Variants in ADAT2 observed in about 807,000 individuals in gnomAD.
The protein encoded by ADAT2 is adenosine deaminase tRNA specific 2.
In ADAT2, 26 loss-of-function variants were observed where a neutral mutation model predicts 25.9. That is an observed-to-expected ratio of 1.00 (90% CI 0.74 to 1.39). The LOEUF (loss-of-function observed/expected upper bound fraction) is 1.39, where lower values mean the gene tolerates loss of function less well. ADAT2 is among the 40% of genes most tolerant of loss of function. The pLI, the probability that ADAT2 is intolerant of heterozygous loss-of-function variation, is 0.00. For synonymous variants in ADAT2, 76 were observed against 86.8 expected, an observed-to-expected ratio of 0.88 and a Z score of 0.69; for missense variants, 220 against 244.8, an observed-to-expected ratio of 0.90 and a Z score of 0.68.
intron 4 of ADAT2, among the ~76,000 whole-genome samples, chr6:143,431,967 A>G (rs564702083): frequency 8.5e-5 from 13 of 152,236 alleles, no homozygotes; most frequent in Non-Finnish European, 1.5e-4. Context: ...GACTAAAGAC[A>G]TGGATTCTTA....
chr6:143,440,042 G>A lies in ADAT2; in HGVS notation c.97-1348C>T, dbSNP rs576742563. Among the ~76,000 whole-genome samples, 2 of 152,294 alleles carry A rather than the reference G, an allele frequency of 1.3e-5. No individual in the cohort carries two copies. The highest frequency in any genetic ancestry group is 1.9e-4 in the East Asian group (1 of 5,180). On this transcript the variant is annotated intron_variant, in intron 1 of 5. Transcript: ENST00000237283. The surrounding 1 kb of genome is among the most constrained non-coding windows in gnomAD (Gnocchi z 4.5). ...TCAGGCGGAGAGCTTAAGCAGGCAG[G>A]TTATGCCTCAGTATAACCTGATACT...
intron 1 of ADAT2, among the ~76,000 whole-genome samples, chr6:143,443,497 C>G (rs542488315): frequency 6.6e-6 from 1 of 152,110 alleles, no homozygotes; most frequent in African/African-American, 2.4e-5. Context: ...TGCCACTACA[C>G]TCCAGCCTGG....
chr6:143,428,204 A>G lies in ADAT2; in HGVS notation c.*259T>C. 1.9e-6 allele frequency: 1 copy of G among 524,446 alleles called. No individual in the cohort carries two copies. The highest frequency in any genetic ancestry group is 3.4e-6 in the Non-Finnish European group (1 of 296,248). The allele number at this position is 524,446 out of a possible 1,614,324, so 32.5% of individuals were successfully genotyped here. A position where few individuals can be genotyped will look rare whatever the true frequency, so the allele number is the denominator to read the frequency against. Reference sequence around the variant, plus strand: ...CTAGAAGGGTATGCACTACTTGCTAATTTCTAAAACCTCAAACCTTAATTT... The same window carrying G: ...CTAGAAGGGTATGCACTACTTGCTAGTTTCTAAAACCTCAAACCTTAATTT... On this transcript the variant is annotated 3_prime_UTR_variant, in exon 6 of 6. Transcript: ENST00000237283. The surrounding 1 kb of genome is among the most constrained non-coding windows in gnomAD (Gnocchi z 5.0).
intron 4 of ADAT2, among the ~76,000 whole-genome samples, chr6:143,429,625 A>C (rs1779049517): frequency 6.6e-6 from 1 of 152,168 alleles, no homozygotes; most frequent in South Asian, 2.1e-4. Context: ...AGGAAGCATA[A>C]GGAAAGAAAG....
At position 143,440,785 on chromosome 6, in the gene ADAT2, C is replaced by A. The variant is rs1258052879; in HGVS notation, c.97-2091G>T. Among the ~76,000 whole-genome samples, 3 of 152,106 alleles carry A rather than the reference C, an allele frequency of 2.0e-5. No homozygotes were observed. Among genetic ancestry groups the A allele is most frequent in the Non-Finnish European group, 2.9e-5 (2 of 68,018 alleles). ...ATGCTAACTACCAGTGTAGCTATGG[C>A]AATTATTATACTAAGAATTTTATTT... On this transcript the variant is annotated intron_variant, in intron 1 of 5. Transcript: ENST00000237283. The surrounding 1 kb of genome is among the most constrained non-coding windows in gnomAD (Gnocchi z 4.5).
rs1384957640 is a variant in ADAT2, at chr6:143,442,509, A to G, written c.97-3815T>C. ...CACACACACACACACACACACACAC[A>G]CGTACAAATAAAACTGATGACATCT... On this transcript the variant is annotated intron_variant, in intron 1 of 5. Transcript: ENST00000237283. This position sits in a 1 kb window ranked among gnomAD's most constrained non-coding sequence, Gnocchi z 4.6. Among the ~76,000 whole-genome samples, 1 of 151,270 alleles carries G rather than the reference A, an allele frequency of 6.6e-6. No individual in the cohort carries two copies.
Position 143,437,687 on chromosome 6 carries a change from A to G in ADAT2, c.201+903T>C, listed in dbSNP as rs1403635821. ...TCCTATTTTACATGTGTTTTGCTAAATATCAGTTTTCTTTTCAATAGATGT... is the reference window on the plus strand; with the variant it reads ...TCCTATTTTACATGTGTTTTGCTAAGTATCAGTTTTCTTTTCAATAGATGT... On this transcript the variant is annotated intron_variant, in intron 2 of 5. Coordinates refer to ENST00000237283, the MANE Select transcript of ADAT2 (RefSeq NM_182503.3). The surrounding 1 kb of genome is among the most constrained non-coding windows in gnomAD (Gnocchi z 4.1). Among the ~76,000 whole-genome samples the G allele has an allele frequency of 6.6e-6, 1 of 152,222 alleles. No homozygotes were observed. Among genetic ancestry groups the G allele is most frequent in the African/African-American group, 2.4e-5 (1 of 41,458 alleles).
At chr6:143,445,483 T>C (rs1224953755) in intron 1 of ADAT2, among the ~76,000 whole-genome samples, 1 of 152,208 alleles carries the variant, frequency 6.6e-6, no homozygotes, top group African/African-American at 2.4e-5. Context: ...TCTTTGGACA[T>C]GACAGTATCT....
rs956236510 is a variant in ADAT2, at chr6:143,437,889, C to T, written c.201+701G>A. On this transcript the variant is annotated intron_variant, in intron 2 of 5. Transcript: ENST00000237283. The surrounding 1 kb of genome is among the most constrained non-coding windows in gnomAD (Gnocchi z 4.1). ...AATTTGGTAGTTTACTTATACTTCC[C>T]AAGTATACTTATCATGACACACTAT... Among the ~76,000 whole-genome samples, 1 of 152,130 alleles carries T rather than the reference C, an allele frequency of 6.6e-6. No homozygotes were observed. Among genetic ancestry groups the T allele is most frequent in the Non-Finnish European group, 1.5e-5 (1 of 68,026 alleles).
At chr6:143,429,260 A>T (rs552845022) in intron 4 of ADAT2, among the ~76,000 whole-genome samples, 1 of 152,228 alleles carries the variant, frequency 6.6e-6, no homozygotes, top group African/African-American at 2.4e-5. Flanking sequence ...AGAAAAAAAA[A>T]GACTAGGTGA....
chr6:143,425,514 A>C lies in ADAT2; in HGVS notation c.*2949T>G, dbSNP rs534256878. ...GAGACCTATCTCAAAAAAAAAAAAAAAAAAGAAAAAGCTGGATTCAAGACA... is the reference window on the plus strand; with the variant it reads ...GAGACCTATCTCAAAAAAAAAAAAACAAAAGAAAAAGCTGGATTCAAGACA... On this transcript the variant is annotated 3_prime_UTR_variant, in exon 6 of 6. Transcript: ENST00000237283. 1 of 152,096 alleles carries C rather than the reference A, an allele frequency of 6.6e-6. No individual in the cohort carries two copies. The highest frequency in any genetic ancestry group is 1.5e-5 in the Non-Finnish European group (1 of 68,144). 9.4% of individuals were successfully genotyped at this position (152,096 alleles called of 1,614,324 possible).
chr6:143,444,276 C>T lies in ADAT2; in HGVS notation c.97-5582G>A, dbSNP rs980490835. On this transcript the variant is annotated intron_variant, in intron 1 of 5. Coordinates refer to ENST00000237283, the MANE Select transcript of ADAT2 (RefSeq NM_182503.3). This position sits in a 1 kb window ranked among gnomAD's most constrained non-coding sequence, Gnocchi z 4.3. ...CGGAATATTTTAAAAGGACAAATAA[C>T]GTCATTGTTGAGGAATGGCCGAGCC... Among the ~76,000 whole-genome samples, 1 of 152,030 alleles carries T rather than the reference C, an allele frequency of 6.6e-6. No homozygotes were observed. The highest frequency in any genetic ancestry group is 2.4e-5 in the African/African-American group (1 of 41,382).
intron 2 of ADAT2, among the ~76,000 whole-genome samples, chr6:143,435,201 CA>C (rs972542980): frequency 6.8e-6 from 1 of 147,030 alleles, no homozygotes; most frequent in African/African-American, 2.5e-5. Flanking sequence ...TAGGTGCTTT[CA>C]AAAAATCAGA....
At chr6:143,441,908 T>A (rs530512915) in intron 1 of ADAT2, 7 of 152,340 alleles carry the variant, frequency 4.6e-5, no homozygotes, top group Admixed American at 2.6e-4. Context: ...CATCAAATGC[T>A]GGCAAGGCTG....
At chr6:143,443,475 G>A (rs796187060) in intron 1 of ADAT2, among the ~76,000 whole-genome samples, 3 of 152,126 alleles carry the variant, frequency 2.0e-5, no homozygotes, top group Admixed American at 6.5e-5. Context: ...AGGCTGTAGT[G>A]AGCTATGATC....
At chr6:143,448,591 T>C (rs1779663292) in intron 1 of ADAT2, among the ~76,000 whole-genome samples, 1 of 152,144 alleles carries the variant, frequency 6.6e-6, no homozygotes, top group African/African-American at 2.4e-5. Context: ...AGCATTAAAA[T>C]TGCTTTCACT....
rs1368708874 is a variant in ADAT2, at chr6:143,446,097, T to C, written c.96+4466A>G. On this transcript the variant is annotated intron_variant, in intron 1 of 5. Transcript: ENST00000237283. The surrounding 1 kb of genome is among the most constrained non-coding windows in gnomAD (Gnocchi z 5.0). ...CATGTATCAAAAAAAAAAAACCCAC[T>C]AAGAATCCCAATACCCCAAAATATA... Among the ~76,000 whole-genome samples, 1 of 149,232 alleles carries C rather than the reference T, an allele frequency of 6.7e-6. No homozygotes were observed. The highest frequency in any genetic ancestry group is 1.5e-5 in the Non-Finnish European group (1 of 67,218).
chr6:143,438,777 A>G (rs1194305567), intron 1 of ADAT2, 83 bp from the exon 2 acceptor site: 1 of 1,113,184 alleles, frequency 9.0e-7, no homozygotes, highest in Non-Finnish European at 1.4e-6. Flanking sequence ...AGCATGAACA[A>G]GATACACATG....
rs759348671 is a variant in ADAT2 at position 143,428,525 on chromosome 6, AG to A, written c.533-20del. 3.1e-6 allele frequency: 5 copies of A among 1,613,774 alleles called. No individual in the cohort carries two copies. In the East Asian group the frequency reaches 1.1e-4, roughly 36 times the overall value. On this transcript the variant is annotated intron_variant, in intron 5 of 5. Coordinates refer to ENST00000237283, the MANE Select transcript of ADAT2 (RefSeq NM_182503.3). The surrounding 1 kb of genome is among the most constrained non-coding windows in gnomAD (Gnocchi z 5.0). ...TTTGGTGCTGTGAAAAGAATAGAAA[AG>A]AAAAAGAAAATGAAGAGGTAAGCTC...
Sources: allele counts gnomAD v4.1 joint callset (sites outside exome capture counted in the v4.1 genomes callset), GRCh38; gene constraint gnomAD v4.1.1; non-coding constraint Gnocchi (gnomAD v3.1); transcripts MANE v1.5; gene names NCBI Gene and HGNC (gene_info 2026-07-23, HGNC 2026-07-21).